WWC2: variants seen among roughly 807,000 people sequenced by gnomAD.
WWC2 encodes WW and C2 domain containing 2, also known as protein WWC2.
Under a neutral mutation model 138.5 loss-of-function variants are expected in WWC2, and 101 were observed. That is an observed-to-expected ratio of 0.73 (90% CI 0.62 to 0.86). The LOEUF (loss-of-function observed/expected upper bound fraction) is 0.86, where lower values mean the gene tolerates loss of function less well. Among genes scored for constraint, WWC2 ranks in the 40% least tolerant of loss-of-function variants. The pLI is 0.00. For missense variants in WWC2, 1,420 were observed against 1,419.4 expected (o/e 1.00, Z -0.01); for synonymous variants, 558 against 538.4 (o/e 1.04, Z -0.50).
chr4:183,111,234 C>T (rs1270896005), intron 1 of WWC2, among the ~76,000 whole-genome samples: 1 of 152,060 alleles, frequency 6.6e-6, no homozygotes, highest in Non-Finnish European at 1.5e-5. Flanking sequence ...AGCCAGACTC[C>T]ATCTCAAAAA....
intron 1 of WWC2, among the ~76,000 whole-genome samples, chr4:183,103,431 A>G (rs548492538): frequency 6.7e-6 from 1 of 148,568 alleles, no homozygotes; most frequent in East Asian, 2.0e-4. Context: ...GGTTCAAGCG[A>G]TTCTCCTGTC....
At chr4:183,165,297 G>A (rs970467550) in intron 1 of WWC2, among the ~76,000 whole-genome samples, 13 of 152,254 alleles carry the variant, frequency 8.5e-5, no homozygotes, top group Non-Finnish European at 1.5e-4. Flanking sequence ...AGAGTGGAAA[G>A]CTGAGTTGGG....
chr4:183,196,629 T>TC (rs1270493027), intron 2 of WWC2, among the ~76,000 whole-genome samples: 1 of 152,224 alleles, frequency 6.6e-6, no homozygotes, highest in Non-Finnish European at 1.5e-5. Flanking sequence ...CACCGGCCTC[T>TC]CCTTTTTCAT....
At chr4:183,145,318 A>G (rs1411049318) in intron 1 of WWC2, among the ~76,000 whole-genome samples, 2 of 151,986 alleles carry the variant, frequency 1.3e-5, no homozygotes, top group South Asian at 2.1e-4. Flanking sequence ...TTTTCGAGCT[A>G]TTTGAAAGTA....
chr4:183,299,351 C>G (rs1738745986), intron 21 of WWC2, among the ~76,000 whole-genome samples: 1 of 152,118 alleles, frequency 6.6e-6, no homozygotes, highest in Non-Finnish European at 1.5e-5. Flanking sequence ...AAGCCCGCTG[C>G]CCCTCCGTCT....
At chr4:183,265,169 A>G (rs1737460766) in intron 12 of WWC2, 62 bp downstream of exon 12, 1 of 1,545,838 alleles carries the variant, frequency 6.5e-7, no homozygotes, top group Non-Finnish European at 8.7e-7. Context: ...GATGTGGGTT[A>G]TATGCTGTAA....
At chr4:183,138,350 A>G (rs1167040099) in intron 1 of WWC2, among the ~76,000 whole-genome samples, 1 of 152,010 alleles carries the variant, frequency 6.6e-6, no homozygotes, top group Non-Finnish European at 1.5e-5. Flanking sequence ...TAGTTTCCTC[A>G]CTTTGGTCAA....
chr4:183,249,974 T>G lies in WWC2; in HGVS notation c.934T>G (p.Tyr312Asp). The change falls in exon 8 of 23, where the codon TAT becomes GAT. Residue 312 changes from tyrosine to aspartate, a missense_variant. Transcript: ENST00000403733. The part of the protein sequence containing the change: ...LAEKVRLSLQ[Y>D]EEAKRSMANL... ...TGAAAAGGTCAGGCTAAGCCTACAG[T>G]ATGAAGAAGCCAAAAGAAGGTAATG... is the stretch of plus-strand genomic sequence containing the variant. 6.2e-7 allele frequency: 1 copy of G among 1,613,798 alleles called. No individual in the cohort carries two copies. The highest frequency in any genetic ancestry group is 8.5e-7 in the Non-Finnish European group (1 of 1,179,784).
intron 15 of WWC2, 113 bp downstream of exon 15, chr4:183,269,276 C>A: frequency 9.9e-7 from 1 of 1,014,056 alleles, no homozygotes; most frequent in South Asian, 1.6e-5. Flanking sequence ...ACCTGCCCAA[C>A]ATCTTGGGAT....
At chr4:183,268,058 T>A (rs1420756403) in intron 14 of WWC2, among the ~76,000 whole-genome samples, 1 of 152,180 alleles carries the variant, frequency 6.6e-6, no homozygotes, top group African/African-American at 2.4e-5. Flanking sequence ...GCCCACTAGG[T>A]TTTCATTGCT....
intron 9 of WWC2, among the ~76,000 whole-genome samples, chr4:183,254,635 G>A (rs564172351): frequency 5.3e-5 from 8 of 152,216 alleles, no homozygotes; most frequent in Non-Finnish European, 1.2e-4. Context: ...CTGTGTGTCA[G>A]TTTGACATGA....
At chr4:183,117,215 C>CTTTTT (rs923478529) in intron 1 of WWC2, among the ~76,000 whole-genome samples, 288 of 95,616 alleles carry the variant, frequency 3.0e-3, no homozygotes, top group African/African-American at 5.3e-3. Context: ...CATTCTTCTT[C>CTTTTT]TTTTTTTTTT....
At chr4:183,276,350 A>G (rs1318963130) in intron 16 of WWC2, among the ~76,000 whole-genome samples, 1 of 151,906 alleles carries the variant, frequency 6.6e-6, no homozygotes, top group Non-Finnish European at 1.5e-5. Context: ...TGATCCTATT[A>G]TCTTCCTATT....
chr4:183,117,130 T>G (rs1163886709), intron 1 of WWC2, among the ~76,000 whole-genome samples: 2 of 151,978 alleles, frequency 1.3e-5, no homozygotes, highest in Non-Finnish European at 1.5e-5. Flanking sequence ...ATCCCCTCCC[T>G]TTTCGAGACA....
At chr4:183,246,979 G>T (rs370365557) in intron 6 of WWC2, among the ~76,000 whole-genome samples, 2 of 152,118 alleles carry the variant, frequency 1.3e-5, no homozygotes, top group African/African-American at 4.8e-5. Context: ...TCATCTGCAG[G>T]CCTGATTAAA....
intron 9 of WWC2, among the ~76,000 whole-genome samples, chr4:183,259,083 C>G: frequency 6.6e-6 from 1 of 152,078 alleles, no homozygotes; most frequent in South Asian, 2.1e-4. Context: ...CATCCTCTTC[C>G]CTAAACAGTT....
At chr4:183,232,598 T>A (rs1736281044) in intron 4 of WWC2, among the ~76,000 whole-genome samples, 1 of 152,242 alleles carries the variant, frequency 6.6e-6, no homozygotes, top group Non-Finnish European at 1.5e-5. Flanking sequence ...TGGCATGTAT[T>A]AGAACTTCAT....
intron 1 of WWC2, among the ~76,000 whole-genome samples, chr4:183,128,758 C>A (rs879543112): frequency 3.3e-5 from 5 of 152,226 alleles, no homozygotes; most frequent in Middle Eastern, 3.2e-3. Context: ...GAATGTACCT[C>A]TGTCCTTGTC....
rs576692223 is a variant in WWC2, at chr4:183,211,155, C to T, written c.522+2130C>T. On this transcript the variant is annotated intron_variant, in intron 4 of 22. Transcript: ENST00000403733. Reference sequence around the variant, plus strand: ...GATTTTCTTTTATTATTGACATCAACTTAAATACATTGTATTTTTCAGTTC... The same window carrying T: ...GATTTTCTTTTATTATTGACATCAATTTAAATACATTGTATTTTTCAGTTC... Among the ~76,000 whole-genome samples the T allele has an allele frequency of 5.3e-5, 8 of 152,256 alleles. No individual in the cohort carries two copies. In the South Asian group the frequency reaches 1.7e-3, roughly 32 times the overall value.
Sources: allele counts gnomAD v4.1 joint callset (sites outside exome capture counted in the v4.1 genomes callset), GRCh38; gene constraint gnomAD v4.1.1; transcripts MANE v1.5; gene names NCBI Gene and HGNC (gene_info 2026-07-23, HGNC 2026-07-21).